The following COL5A1 variants were observed in gnomAD, a reference collection of about 807,000 sequenced individuals.
COL5A1 encodes collagen alpha-1(V) chain.
Under a neutral mutation model 263.7 loss-of-function variants are expected in COL5A1, and 16 were observed. That is an observed-to-expected ratio of 0.06 (90% CI 0.04 to 0.09). The LOEUF (loss-of-function observed/expected upper bound fraction) is 0.09. COL5A1 is among the 10% of genes least tolerant of loss of function. The pLI, the probability that COL5A1 is intolerant of heterozygous loss-of-function variation, is 1.00. For synonymous variants in COL5A1, 1,012 were observed against 1,004.5 expected (o/e 1.01, Z -0.14); for missense variants, 2,036 against 2,540.5 (o/e 0.80, Z 4.27).
At chr9:134,816,820 C>T (rs1838765733) in intron 52 of COL5A1, among the ~76,000 whole-genome samples, 1 of 152,212 alleles carries the variant, frequency 6.6e-6, no homozygotes, top group Non-Finnish European at 1.5e-5. Flanking sequence ...ATGCAGAAAA[C>T]CCGCAGGATG....
intron 42 of COL5A1, among the ~76,000 whole-genome samples, chr9:134,807,513 G>A (rs1292821970): frequency 3.3e-5 from 5 of 152,250 alleles, no homozygotes; most frequent in South Asian, 4.1e-4. Context: ...GGCTGGTCTC[G>A]AACTCCTGAC....
intron 1 of COL5A1, among the ~76,000 whole-genome samples, chr9:134,664,432 G>C (rs564149062): frequency 6.6e-6 from 1 of 151,276 alleles, no homozygotes; most frequent in Non-Finnish European, 1.5e-5. Context: ...CGTAAGAAGA[G>C]AATCTACACC....
intron 65 of COL5A1, among the ~76,000 whole-genome samples, chr9:134,835,447 G>A (rs544128086): frequency 1.1e-3 from 168 of 152,342 alleles, no homozygotes; most frequent in Admixed American, 2.2e-3. Context: ...AGACCTGGCC[G>A]GAAAAGCCAG....
chr9:134,763,003 G>T (rs1275116701), intron 19 of COL5A1, among the ~76,000 whole-genome samples: 1 of 152,152 alleles, frequency 6.6e-6, no homozygotes, highest in African/African-American at 2.4e-5. Context: ...TGTGTGTATG[G>T]CTGTGTATGC....
intron 13 of COL5A1, among the ~76,000 whole-genome samples, chr9:134,751,523 T>C (rs981328818): frequency 6.6e-6 from 1 of 152,156 alleles, no homozygotes; most frequent in African/African-American, 2.4e-5. Flanking sequence ...ACTCTCAGCC[T>C]GGGGGGTCCT....
At chr9:134,828,750 C>T (rs532110090) in intron 63 of COL5A1, among the ~76,000 whole-genome samples, 6 of 151,890 alleles carry the variant, frequency 4.0e-5, no homozygotes, top group Admixed American at 6.6e-5. Flanking sequence ...CCACACACCA[C>T]GCACATGATA....
chr9:134,827,713 G>A lies in COL5A1; in HGVS notation c.5067+1809G>A, dbSNP rs562040551. On this transcript the variant is annotated intron_variant, in intron 63 of 65. Transcript: ENST00000371817. Reference sequence around the variant, plus strand: ...AGGCGTCCACAGGCTGCAGCCTCGGGCCTGGGCTACAGCTGCTTGGCCAAG... The same window carrying A: ...AGGCGTCCACAGGCTGCAGCCTCGGACCTGGGCTACAGCTGCTTGGCCAAG... 1.1e-4 allele frequency among the ~76,000 whole-genome samples: 16 copies of A among 152,256 alleles called. No homozygotes were observed. The East Asian group carries it at 2.5e-3, about 24-fold the overall frequency.
At chr9:134,707,629 G>C (rs1020627004) in intron 4 of COL5A1, among the ~76,000 whole-genome samples, 1 of 152,180 alleles carries the variant, frequency 6.6e-6, no homozygotes, top group Non-Finnish European at 1.5e-5. Flanking sequence ...GGCCTCGAAG[G>C]GGAGAGCAAG....
chr9:134,750,531 C>G lies in COL5A1; in HGVS notation c.1495-11C>G. ...CACTCTGACTTGTCTCTCTTGGCCCCTTGTCTTCAGGGCCCCCCTGGACGC... is the reference window on the plus strand; with the variant it reads ...CACTCTGACTTGTCTCTCTTGGCCCGTTGTCTTCAGGGCCCCCCTGGACGC... On this transcript the variant is annotated splice_polypyrimidine_tract_variant and intron_variant, in intron 11 of 65. Coordinates refer to ENST00000371817, the MANE Select transcript of COL5A1 (RefSeq NM_000093.5). The G allele has an allele frequency of 1.2e-6, 2 of 1,613,486 alleles. No homozygotes were observed.
chr9:134,812,395 G>A lies in COL5A1; in HGVS notation c.3691-54G>A, dbSNP rs143964336. ...TGGAGGTCGTGAAAGCTGTGTGTGT[G>A]TTTGACATACACATGACAGAACAGC... On this transcript the variant is annotated intron_variant, in intron 46 of 65. Transcript: ENST00000371817. The A allele has an allele frequency of 2.5e-5, 39 of 1,577,656 alleles. No homozygotes were observed. The African/African-American group carries it at 5.1e-4, about 21-fold the overall frequency.
intron 4 of COL5A1, among the ~76,000 whole-genome samples, chr9:134,717,531 G>A (rs541180260): frequency 3.9e-5 from 6 of 152,304 alleles, no homozygotes; most frequent in South Asian, 4.2e-4. Context: ...AGCGCTGCCC[G>A]TGGCTCTCCC....
intron 4 of COL5A1, among the ~76,000 whole-genome samples, chr9:134,721,535 C>T (rs934560098): frequency 2.6e-5 from 4 of 152,138 alleles, no homozygotes; most frequent in African/African-American, 4.8e-5. Context: ...CCTCTGGACT[C>T]GCAGGAATCA....
intron 1 of COL5A1, among the ~76,000 whole-genome samples, chr9:134,655,588 C>T (rs1446962751): frequency 6.6e-6 from 1 of 152,144 alleles, no homozygotes; most frequent in Non-Finnish European, 1.5e-5. Flanking sequence ...ACCACCACAG[C>T]TGGCTATGGT....
intron 59 of COL5A1, 146 bp downstream of exon 59, chr9:134,822,296 A>C (rs1839039550): frequency 1.4e-6 from 1 of 691,962 alleles, no homozygotes; most frequent in South Asian, 1.8e-5. Flanking sequence ...TTGCCCATTA[A>C]CTCAACATTG....
intron 29 of COL5A1, 120 bp downstream of exon 29, chr9:134,782,840 T>C (rs1564455681): frequency 1.0e-6 from 1 of 993,360 alleles, no homozygotes; most frequent in Non-Finnish European, 1.6e-6. Context: ...AAACTCTTGG[T>C]AGAGATTCCT....
At chr9:134,767,848 C>G (rs1442045244) in intron 24 of COL5A1, among the ~76,000 whole-genome samples, 1 of 152,178 alleles carries the variant, frequency 6.6e-6, no homozygotes, top group African/African-American at 2.4e-5. Flanking sequence ...GCTCCAAGTG[C>G]CTTGGTTGCG....
At chr9:134,659,916 G>A (rs532581856) in intron 1 of COL5A1, among the ~76,000 whole-genome samples, 1 of 152,120 alleles carries the variant, frequency 6.6e-6, no homozygotes. Context: ...GAGGATTATC[G>A]CCAGGTAGGT....
At chr9:134,762,018 C>T (rs778140895) in intron 19 of COL5A1, 40 bp downstream of exon 19, 12 of 1,601,882 alleles carry the variant, frequency 7.5e-6, no homozygotes, top group Non-Finnish European at 1.0e-5. Flanking sequence ...CCTGCCTGCC[C>T]TACTCCTCAG....
intron 48 of COL5A1, among the ~76,000 whole-genome samples, chr9:134,813,016 A>T (rs1382635996): frequency 6.6e-6 from 1 of 152,182 alleles, no homozygotes; most frequent in Non-Finnish European, 1.5e-5. Context: ...ATGCCCCACC[A>T]GCAAAGCCCC....
Sources: allele counts gnomAD v4.1 joint callset (sites outside exome capture counted in the v4.1 genomes callset), GRCh38; gene constraint gnomAD v4.1.1; transcripts MANE v1.5; gene names NCBI Gene and HGNC (gene_info 2026-07-23, HGNC 2026-07-21).